Variants in TYW1B observed in about 807,000 individuals in gnomAD.
TYW1B encodes the protein S-adenosyl-L-methionine-dependent tRNA 4-demethylwyosine synthase TYW1B.
A neutral mutation model predicts 86.9 loss-of-function variants in TYW1B; 73 were observed. The observed-to-expected ratio is 0.84, with a 90% CI of 0.70 to 1.02. The LOEUF (loss-of-function observed/expected upper bound fraction) is 1.02. Among genes scored for constraint, TYW1B ranks in the 50% least tolerant of loss-of-function variants. The pLI is 0.00. For missense variants in TYW1B, 637 were observed against 827.4 expected, an observed-to-expected ratio of 0.77 and a Z score of 2.82; for synonymous variants, 248 against 292.8, an observed-to-expected ratio of 0.85 and a Z score of 1.56.
At chr7:72,642,801 T>C (rs1812834323) in intron 11 of TYW1B, among the ~76,000 whole-genome samples, 1 of 152,146 alleles carries the variant, frequency 6.6e-6, no homozygotes, top group African/African-American at 2.4e-5. Flanking sequence ...CTCAGGAGGC[T>C]GAGGCAGGAG....
At chr7:72,662,801 G>C (rs1813366133) in intron 11 of TYW1B, among the ~76,000 whole-genome samples, 4 of 152,128 alleles carry the variant, frequency 2.6e-5, no homozygotes, top group Admixed American at 6.6e-5. Flanking sequence ...CACATCAGAA[G>C]AGCAAGCCAT....
intron 7 of TYW1B, among the ~76,000 whole-genome samples, chr7:72,750,511 AGAT>A (rs1787481105): frequency 6.6e-6 from 1 of 152,044 alleles, no homozygotes; most frequent in Admixed American, 6.6e-5. Context: ...TTCAGTTTTT[AGAT>A]GATTAGTTAT....
Position 72,815,628 on chromosome 7 carries a change from C to A in TYW1B, c.136-147G>T. On this transcript the variant is annotated intron_variant, in intron 2 of 13. Transcript: ENST00000620995. ...AACCCAAATTCTATCCGCACTCTTA[C>A]CATTTTCTTGGGCACCATTACCGAG... 1.0e-5 allele frequency: 7 copies of A among 675,694 alleles called. No homozygotes were observed. The South Asian group carries it at 1.3e-4, about 13-fold the overall frequency. 41.9% of individuals were successfully genotyped at this position (675,694 alleles called of 1,614,324 possible). A position where few individuals can be genotyped will look rare whatever the true frequency, so the allele number is the denominator to read the frequency against.
intron 13 of TYW1B, among the ~76,000 whole-genome samples, chr7:72,579,720 T>C (rs1463659921): frequency 6.6e-6 from 1 of 152,156 alleles, no homozygotes; most frequent in Non-Finnish European, 1.5e-5. Context: ...GTGCAACTAT[T>C]GCACATTGCA....
At chr7:72,701,856 G>A (rs1271689042) in intron 10 of TYW1B, among the ~76,000 whole-genome samples, 1 of 152,104 alleles carries the variant, frequency 6.6e-6, no homozygotes, top group Non-Finnish European at 1.5e-5. Context: ...TTGTCAAGGG[G>A]CTCTGTGTTT....
intron 11 of TYW1B, among the ~76,000 whole-genome samples, chr7:72,665,794 C>G (rs1813448668): frequency 6.6e-6 from 1 of 152,176 alleles, no homozygotes; most frequent in Non-Finnish European, 1.5e-5. Flanking sequence ...CTAGAAGAAT[C>G]TTTACCAGAT....
At chr7:72,771,522 A>G (rs1374319990) in intron 7 of TYW1B, among the ~76,000 whole-genome samples, 1 of 152,176 alleles carries the variant, frequency 6.6e-6, no homozygotes, top group East Asian at 1.9e-4. Context: ...ATTTATTGAC[A>G]GTGTATAATA....
At chr7:72,617,714 G>C (rs371845687) in intron 12 of TYW1B, among the ~76,000 whole-genome samples, 1 of 152,102 alleles carries the variant, frequency 6.6e-6, no homozygotes, top group Non-Finnish European at 1.5e-5. Context: ...TTTGAATGTG[G>C]TTACATAAAC....
rs761231834 is a variant in TYW1B at position 72,694,796 on chromosome 7, T to C, written c.1397A>G (p.Tyr466Cys). 23 of 1,602,726 alleles carry C rather than the reference T, an allele frequency of 1.4e-5. No homozygotes were observed. Among genetic ancestry groups the C allele is most frequent in the Non-Finnish European group, 1.8e-5 (21 of 1,177,218 alleles). Residue 466 changes from tyrosine to cysteine, a missense_variant, in exon 11 of 14, where the codon TAT becomes TGT. By Grantham distance (194) the Tyr-to-Cys change is radical. Coordinates refer to ENST00000620995, the MANE Select transcript of TYW1B (RefSeq NM_001145440.3). The part of the protein sequence containing the change: ...IRNLEPVTQL[Y>C]VSVDASTKDS... ...TTTGGTACTGGCATCCACACTGACATACAGCTGAGTAACTGGCTCGAGGTT... is the reference window on the plus strand; with the variant it reads ...TTTGGTACTGGCATCCACACTGACACACAGCTGAGTAACTGGCTCGAGGTT...
At chr7:72,746,443 A>G (rs1364455574) in intron 7 of TYW1B, among the ~76,000 whole-genome samples, 1 of 152,232 alleles carries the variant, frequency 6.6e-6, no homozygotes, top group Non-Finnish European at 1.5e-5. Context: ...ATCTCATGCC[A>G]CTAGAGAAAC....
At chr7:72,600,202 C>T (rs1397346635) in intron 13 of TYW1B, among the ~76,000 whole-genome samples, 1 of 152,008 alleles carries the variant, frequency 6.6e-6, no homozygotes, top group Non-Finnish European at 1.5e-5. Flanking sequence ...ATAGAAAGGC[C>T]AGAAATAGAT....
rs1409729361 is a variant in TYW1B, at chr7:72,722,009, ATTCTC to A, written c.1192+6808_1192+6812del. 3.9e-5 allele frequency among the ~76,000 whole-genome samples: 6 copies of A among 152,308 alleles called. No individual in the cohort carries two copies. The East Asian group carries it at 1.2e-3, about 29-fold the overall frequency. ...AGTTTGGGCCGATCAGAAATAAAAC[ATTCTC>A]TTCTTTCTTCTCATAACAATGCAGT... On this transcript the variant is annotated intron_variant, in intron 9 of 13. Coordinates refer to ENST00000620995, the MANE Select transcript of TYW1B (RefSeq NM_001145440.3).
At chr7:72,700,473 C>G (rs1554452315) in intron 10 of TYW1B, among the ~76,000 whole-genome samples, 1 of 151,704 alleles carries the variant, frequency 6.6e-6, no homozygotes, top group South Asian at 2.1e-4. Context: ...ACGCCTGGAC[C>G]TTTCTTTGAT....
chr7:72,663,967 A>C (rs565685509), intron 11 of TYW1B, among the ~76,000 whole-genome samples: 1 of 152,112 alleles, frequency 6.6e-6, no homozygotes, highest in Non-Finnish European at 1.5e-5. Flanking sequence ...ATTAGAAATA[A>C]AATGTATCTC....
chr7:72,690,277 T>G (rs1290951607), intron 11 of TYW1B, among the ~76,000 whole-genome samples: 1 of 149,522 alleles, frequency 6.7e-6, no homozygotes, highest in South Asian at 2.1e-4. Flanking sequence ...GGCAGTGTTT[T>G]CTTGTATAAG....
intron 13 of TYW1B, among the ~76,000 whole-genome samples, chr7:72,608,849 C>A (rs1472646778): frequency 6.6e-6 from 1 of 152,122 alleles, no homozygotes; most frequent in Non-Finnish European, 1.5e-5. Context: ...TATCGGACTA[C>A]AAAGGAATAG....
intron 12 of TYW1B, among the ~76,000 whole-genome samples, chr7:72,624,110 A>T (rs1333554078): frequency 6.6e-6 from 1 of 152,156 alleles, no homozygotes; most frequent in Admixed American, 6.6e-5. Context: ...CAATGATTTT[A>T]AAAACTCCTC....
chr7:72,605,359 GT>G (rs782005655), intron 13 of TYW1B, among the ~76,000 whole-genome samples: 41 of 140,440 alleles, frequency 2.9e-4, no homozygotes, highest in Admixed American at 4.3e-4. Flanking sequence ...TGTTTGTTTT[GT>G]TTTTTTTTTT....
chr7:72,808,130 T>C (rs1788531258), intron 4 of TYW1B, among the ~76,000 whole-genome samples: 1 of 152,060 alleles, frequency 6.6e-6, no homozygotes, highest in Admixed American at 6.6e-5. Context: ...ATATCTGAAT[T>C]TTCCCATTCA....
Sources: allele counts gnomAD v4.1 joint callset (sites outside exome capture counted in the v4.1 genomes callset), GRCh38; gene constraint gnomAD v4.1.1; transcripts MANE v1.5; gene names NCBI Gene and HGNC (gene_info 2026-07-23, HGNC 2026-07-21).